The following ASIC5 variants were observed in gnomAD, a reference collection of about 807,000 sequenced individuals.
The protein encoded by ASIC5 is bile acid-sensitive ion channel.
Under a neutral mutation model 51.2 loss-of-function variants are expected in ASIC5, and 52 were observed. The observed-to-expected ratio is 1.02, with a 90% CI of 0.81 to 1.28. The LOEUF (loss-of-function observed/expected upper bound fraction) is 1.28, where lower values mean the gene tolerates loss of function less well. Among genes scored for constraint, ASIC5 ranks in the 50% most tolerant of loss-of-function variants. The pLI is 0.00. For missense variants in ASIC5, 635 were observed against 595.0 expected, an observed-to-expected ratio of 1.07 and a Z score of -0.70; for synonymous variants, 231 against 200.7, an observed-to-expected ratio of 1.15 and a Z score of -1.28.
At chr4:155,837,473 T>A (rs1172380496) in intron 7 of ASIC5, among the ~76,000 whole-genome samples, 1 of 152,162 alleles carries the variant, frequency 6.6e-6, no homozygotes, top group Admixed American at 6.5e-5. Flanking sequence ...AGGTAGTGTT[T>A]GTCTCCAGCT....
intron 2 of ASIC5, 28 bp from the exon 3 acceptor site, chr4:155,854,342 A>T (rs1174278739): frequency 7.1e-7 from 1 of 1,404,502 alleles, no homozygotes; most frequent in East Asian, 2.3e-5. Flanking sequence ...GGCAATAGTT[A>T]GAATAATGAA....
chr4:155,843,085 G>C (rs1425198963), intron 5 of ASIC5, among the ~76,000 whole-genome samples: 1 of 152,158 alleles, frequency 6.6e-6, no homozygotes, highest in East Asian at 1.9e-4. Context: ...TCTGGGACAA[G>C]CAGTCCAGTT....
At position 155,838,881 on chromosome 4, in the gene ASIC5, TAA is replaced by T. The variant is rs147623074; in HGVS notation, c.1010-14_1010-13del. 622 of 1,491,820 alleles carry T rather than the reference TAA, an allele frequency of 4.2e-4. No individual in the cohort carries two copies. In the African/African-American group the frequency reaches 7.5e-3, roughly 18 times the overall value. 92.4% of individuals were successfully genotyped at this position (1,491,820 alleles called of 1,614,324 possible). A position where few individuals can be genotyped will look rare whatever the true frequency, so the allele number is the denominator to read the frequency against. On this transcript the variant is annotated splice_polypyrimidine_tract_variant and intron_variant, in intron 6 of 9. Coordinates refer to ENST00000537611, the MANE Select transcript of ASIC5 (RefSeq NM_017419.3). Reference sequence around the variant, plus strand: ...TTCTATCCCATATCCTTAAAAATAATAAGTGTAACATATAGAGACTTTACATT... The same window carrying T: ...TTCTATCCCATATCCTTAAAAATAATGTGTAACATATAGAGACTTTACATT...
intron 4 of ASIC5, among the ~76,000 whole-genome samples, chr4:155,847,928 A>G (rs1020466199): frequency 6.6e-6 from 1 of 152,102 alleles, no homozygotes; most frequent in Non-Finnish European, 1.5e-5. Flanking sequence ...AGACCAGCAT[A>G]TGGACTCCTG....
chr4:155,839,815 A>G (rs1046845905), intron 6 of ASIC5, among the ~76,000 whole-genome samples: 1 of 152,164 alleles, frequency 6.6e-6, no homozygotes, highest in Admixed American at 6.6e-5. Context: ...TTCCATTATA[A>G]AGAGCAATTC....
chr4:155,841,812 G>A lies in ASIC5; in HGVS notation c.1009+395C>T, dbSNP rs754685302. Among the ~76,000 whole-genome samples the A allele has an allele frequency of 3.3e-5, 5 of 152,086 alleles. No homozygotes were observed. In the East Asian group the frequency reaches 7.7e-4, roughly 23 times the overall value. On this transcript the variant is annotated intron_variant, in intron 6 of 9. Coordinates refer to ENST00000537611, the MANE Select transcript of ASIC5 (RefSeq NM_017419.3). ...AATTTTCTCTTCCAGAAATCTCTGCGATGATTTTATAATGTAAAATTTGTC... is the reference window on the plus strand; with the variant it reads ...AATTTTCTCTTCCAGAAATCTCTGCAATGATTTTATAATGTAAAATTTGTC...
At chr4:155,850,917 G>A (rs1741368009) in intron 4 of ASIC5, among the ~76,000 whole-genome samples, 2 of 151,896 alleles carry the variant, frequency 1.3e-5, no homozygotes, top group South Asian at 2.1e-4. Flanking sequence ...TAAGAAGAAG[G>A]CACAGTCTTA....
intron 2 of ASIC5, among the ~76,000 whole-genome samples, chr4:155,860,221 T>C (rs1393099508): frequency 6.6e-6 from 1 of 151,836 alleles, no homozygotes; most frequent in African/African-American, 2.4e-5. Flanking sequence ...AGTAAATCCT[T>C]ATCCTATTTT....
chr4:155,853,802 T>C (rs1234943011), intron 3 of ASIC5, among the ~76,000 whole-genome samples: 2 of 151,754 alleles, frequency 1.3e-5, no homozygotes, highest in South Asian at 2.1e-4. Context: ...TATCCTCTTG[T>C]GTTAAATTGT....
At chr4:155,851,347 A>G (rs954505112) in intron 4 of ASIC5, among the ~76,000 whole-genome samples, 3 of 152,054 alleles carry the variant, frequency 2.0e-5, no homozygotes, top group African/African-American at 4.8e-5. Context: ...AGCTATGAAG[A>G]GTACATTACT....
intron 9 of ASIC5, among the ~76,000 whole-genome samples, chr4:155,830,378 C>G (rs1043867224): frequency 6.6e-6 from 1 of 152,010 alleles, no homozygotes; most frequent in African/African-American, 2.4e-5. Context: ...AAATGAAGAG[C>G]AGAAGAGTGC....
intron 7 of ASIC5, among the ~76,000 whole-genome samples, chr4:155,838,033 A>G (rs1346122217): frequency 6.6e-6 from 1 of 152,190 alleles, no homozygotes; most frequent in Non-Finnish European, 1.5e-5. Context: ...CCTGTGATCT[A>G]CATAAAAAAA....
intron 4 of ASIC5, 28 bp downstream of exon 4, chr4:155,852,163 T>G: frequency 3.1e-6 from 5 of 1,611,368 alleles, no homozygotes; most frequent in Non-Finnish European, 4.2e-6. Context: ...CATTCTCGTT[T>G]GTCTTGAACC....
chr4:155,864,366 A>G (rs535996467), intron 1 of ASIC5: 1 of 152,176 alleles, frequency 6.6e-6, no homozygotes, highest in Non-Finnish European at 1.5e-5. Flanking sequence ...TTAATTCATC[A>G]TTTCAAGTCT....
chr4:155,843,915 T>C, intron 4 of ASIC5, 85 bp from the exon 5 acceptor site: 2 of 1,211,950 alleles, frequency 1.7e-6, no homozygotes, highest in Non-Finnish European at 2.4e-6. Flanking sequence ...TATCATCTCA[T>C]GATAGCGTTT....
chr4:155,863,988 T>C (rs1741793226), intron 1 of ASIC5, among the ~76,000 whole-genome samples: 1 of 152,202 alleles, frequency 6.6e-6, no homozygotes, highest in African/African-American at 2.4e-5. Flanking sequence ...GAACGGCTAT[T>C]ATTAATGTAA....
intron 3 of ASIC5, among the ~76,000 whole-genome samples, chr4:155,853,119 G>A (rs1004956226): frequency 6.6e-6 from 1 of 151,906 alleles, no homozygotes; most frequent in Non-Finnish European, 1.5e-5. Context: ...AACAGAAATG[G>A]GTTTCTGTAA....
At chr4:155,845,200 A>C (rs772456357) in intron 4 of ASIC5, among the ~76,000 whole-genome samples, 1 of 152,122 alleles carries the variant, frequency 6.6e-6, no homozygotes, top group Non-Finnish European at 1.5e-5. Flanking sequence ...CAATGGCTGC[A>C]CTTCTGAAAT....
In ASIC5 at chr4:155,835,023, C is replaced by T. The variant is rs1328623503; in HGVS notation, c.1235+1666G>A. Among the ~76,000 whole-genome samples, 4 of 152,140 alleles carry T rather than the reference C, an allele frequency of 2.6e-5. No homozygotes were observed. The East Asian group carries it at 7.7e-4, about 29-fold the overall frequency. On this transcript the variant is annotated intron_variant, in intron 8 of 9. Transcript: ENST00000537611. Reference sequence around the variant, plus strand: ...CTCACTGAGAGCCACCTCCACCACTCAATAAAACCTTGCACCCATCCTTCG... The same window carrying T: ...CTCACTGAGAGCCACCTCCACCACTTAATAAAACCTTGCACCCATCCTTCG...
Sources: gnomAD v4.1 joint callset for allele counts (sites outside exome capture counted in the v4.1 genomes callset) on GRCh38, gnomAD v4.1.1 for gene constraint, MANE v1.5 for transcripts, NCBI Gene and HGNC (gene_info 2026-07-23, HGNC 2026-07-21) for gene names.